The following CAD variants were observed in gnomAD, a reference collection of about 807,000 sequenced individuals.
CAD encodes multifunctional protein CAD.
Under a neutral mutation model 237.2 loss-of-function variants are expected in CAD, and 81 were observed. The ratio of observed to expected loss-of-function variants is 0.34; its 90% CI spans 0.29 to 0.41. The LOEUF (loss-of-function observed/expected upper bound fraction) is 0.41. Among genes scored for constraint, CAD ranks in the 10% least tolerant of loss-of-function variants. CAD has a pLI of 1.00. For synonymous variants in CAD, 1,196 were observed against 1,162.8 expected (o/e 1.03, Z -0.58); for missense variants, 2,181 against 2,951.7 (o/e 0.74, Z 6.05).
chr2:27,227,162 C>A (rs555264833), intron 15 of CAD, among the ~76,000 whole-genome samples, 200 bp downstream of exon 15: 1 of 152,228 alleles, frequency 6.6e-6, no homozygotes, highest in Non-Finnish European at 1.5e-5. Flanking sequence ...GGGATAGGTG[C>A]AAGCCATCAG....
chr2:27,224,972 A>G, intron 10 of CAD, 38 bp from the exon 11 acceptor site: 1 of 1,607,864 alleles, frequency 6.2e-7, no homozygotes, highest in Non-Finnish European at 8.5e-7. Context: ...CTCTACCCAC[A>G]AGGTTCTGAT....
chr2:27,238,815 G>T (rs1267343413), intron 31 of CAD, among the ~76,000 whole-genome samples, 183 bp downstream of exon 31: 2 of 152,218 alleles, frequency 1.3e-5, no homozygotes, highest in African/African-American at 4.8e-5. Context: ...TTGAAAGAAT[G>T]AATGAGCCAG....
chr2:27,234,795 G>T, intron 23 of CAD, 110 bp downstream of exon 23: 4 of 995,722 alleles, frequency 4.0e-6, no homozygotes, highest in Non-Finnish European at 6.0e-6. Flanking sequence ...AGGCATTGCC[G>T]GATCGTGGGG....
In CAD at chr2:27,228,146, T is replaced by TAC. The variant is rs201539976; in HGVS notation, c.2287+1185_2287+1186dup. 9.1e-3 allele frequency among the ~76,000 whole-genome samples: 1,387 copies of TAC among 152,264 alleles called. 8 individuals are homozygous for TAC. The highest frequency in any genetic ancestry group is 0.013 in the Non-Finnish European group (888 of 68,004). ...ATAGAAAAATACACTTGGTAAGAAATACTTAAGCCCCTAGAGTAAATAGTC... is the reference window on the plus strand; with the variant it reads ...ATAGAAAAATACACTTGGTAAGAAATACACTTAAGCCCCTAGAGTAAATAGTC... On this transcript the variant is annotated intron_variant, in intron 15 of 43. Coordinates refer to ENST00000264705, the MANE Select transcript of CAD (RefSeq NM_004341.5).
In CAD at chr2:27,240,441, T is replaced by TA; in HGVS notation, c.5593+81dup. The TA allele has an allele frequency of 6.7e-7, 1 of 1,492,654 alleles. No homozygotes were observed. Among genetic ancestry groups the TA allele is most frequent in the South Asian group, 1.1e-5 (1 of 88,530 alleles). 92.5% of individuals were successfully genotyped at this position (1,492,654 alleles called of 1,614,324 possible). ...TCCCAGTGCCTCGCCTTTCTCTACT[T>TA]ACATGTCCTCCTCTCCATCCCTTTA... On this transcript the variant is annotated intron_variant, in intron 35 of 43. Coordinates refer to ENST00000264705, the MANE Select transcript of CAD (RefSeq NM_004341.5). This position sits in a 1 kb window ranked among gnomAD's most constrained non-coding sequence, Gnocchi z 4.6.
In CAD at chr2:27,237,715, C is replaced by T; in HGVS notation, c.4564-3C>T. On this transcript the variant is annotated splice_polypyrimidine_tract_variant and splice_region_variant and intron_variant, in intron 28 of 43. Coordinates refer to ENST00000264705, the MANE Select transcript of CAD (RefSeq NM_004341.5). The surrounding 1 kb of genome is among the most constrained non-coding windows in gnomAD (Gnocchi z 4.0). ...GAGCCTTACCTCTGTGTATCCTCTC[C>T]AGCTGGCAGAGGCTGGCGCCCGGTG... The T allele has an allele frequency of 6.2e-7, 1 of 1,611,388 alleles. No homozygotes were observed. The highest frequency in any genetic ancestry group is 1.1e-5 in the South Asian group (1 of 90,470).
In CAD at chr2:27,217,369, A is replaced by C; in HGVS notation, c.-183A>C. ...ACGCCGCCTGTGTCCGCGCCGCCGC[A>C]GTCTCTGCTGCTGCCGCCAAGCGCG... On this transcript the variant is annotated 5_prime_UTR_variant, in exon 1 of 44. Transcript: ENST00000264705. 1.7e-6 allele frequency: 1 copy of C among 576,344 alleles called. No individual in the cohort carries two copies. The highest frequency in any genetic ancestry group is 3.0e-6 in the Non-Finnish European group (1 of 328,042). The allele number at this position is 576,344 out of a possible 1,614,324, so 35.7% of individuals were successfully genotyped here. A position where few individuals can be genotyped will look rare whatever the true frequency, so the allele number is the denominator to read the frequency against.
At chr2:27,224,897 G>A in intron 10 of CAD, 21 bp downstream of exon 10, 2 of 1,614,132 alleles carry the variant, frequency 1.2e-6, no homozygotes, top group Non-Finnish European at 1.7e-6. Flanking sequence ...GGCAAGGCTG[G>A]AATGAAAAGA....
In CAD at chr2:27,232,967, C is replaced by T. The variant is rs1675831172; in HGVS notation, c.2893-75C>T. 3.9e-6 allele frequency: 4 copies of T among 1,035,742 alleles called. No individual in the cohort carries two copies. In the South Asian group the frequency reaches 5.1e-5, roughly 13 times the overall value. 64.2% of individuals were successfully genotyped at this position (1,035,742 alleles called of 1,614,324 possible). On this transcript the variant is annotated intron_variant, in intron 18 of 43. Transcript: ENST00000264705. This position sits in a 1 kb window ranked among gnomAD's most constrained non-coding sequence, Gnocchi z 4.1. ...GCAGTCTCTGAAGTAGGGGCTTTGGCTTAGTTTCTCCACGATTTTCTCCAC... is the reference window on the plus strand; with the variant it reads ...GCAGTCTCTGAAGTAGGGGCTTTGGTTTAGTTTCTCCACGATTTTCTCCAC...
In CAD at chr2:27,233,775, C is replaced by G. The variant is rs150127787; in HGVS notation, c.3366C>G (p.Pro1122=). 1 of 1,614,082 alleles carries G rather than the reference C, an allele frequency of 6.2e-7. No homozygotes were observed. Among genetic ancestry groups the G allele is most frequent in the East Asian group, 2.2e-5 (1 of 44,884 alleles). ...SSAAAVSKEH[P]VVISKFIQEA... is the part of the protein sequence containing the mutation. ...CAGCAGCCGTCTCCAAAGAGCATCC[C>G]GTGGTCATCTCCAAGTTCATCCAGG... Residue 1122 remains proline (P), a synonymous_variant, in exon 21 of 44, where the codon CCC becomes CCG. Transcript: ENST00000264705. This position sits in a 1 kb window ranked among gnomAD's most constrained non-coding sequence, Gnocchi z 6.3.
chr2:27,220,957 C>T (rs559864850), intron 2 of CAD, among the ~76,000 whole-genome samples: 5 of 150,856 alleles, frequency 3.3e-5, no homozygotes, highest in Non-Finnish European at 7.4e-5. Context: ...GACTCTGTCT[C>T]AAAAAAAATA....
At position 27,223,597 on chromosome 2, in the gene CAD, T is replaced by A; in HGVS notation, c.844T>A (p.Leu282Met). The change falls in exon 7 of 44, where the codon TTG becomes ATG. Residue 282 changes from leucine to methionine, a missense_variant. Coordinates refer to ENST00000264705, the MANE Select transcript of CAD (RefSeq NM_004341.5). ...GNRGHNQPCL[L>M]VGSGRCFLTS... Reference sequence around the variant, plus strand: ...CCGAGGCCATAACCAGCCCTGCTTGTTGGTGGGCTCTGGGCGCTGCTTTCT... The same window carrying A: ...CCGAGGCCATAACCAGCCCTGCTTGATGGTGGGCTCTGGGCGCTGCTTTCT... 6.2e-7 allele frequency: 1 copy of A among 1,613,446 alleles called. No individual in the cohort carries two copies. The highest frequency in any genetic ancestry group is 8.5e-7 in the Non-Finnish European group (1 of 1,180,010).
intron 10 of CAD, 43 bp downstream of exon 10, chr2:27,224,919 G>T (rs752371232): frequency 6.2e-7 from 1 of 1,612,366 alleles, no homozygotes; most frequent in Non-Finnish European, 8.5e-7. Context: ...GACTGGGCAG[G>T]GGGGCCCAGT....
At chr2:27,224,933 C>A in intron 10 of CAD, 57 bp downstream of exon 10, 1 of 1,611,286 alleles carries the variant, frequency 6.2e-7, no homozygotes, top group Non-Finnish European at 8.5e-7. Context: ...GCCCAGTGGT[C>A]ACTGTGGGTT....
In CAD at chr2:27,239,884, G is replaced by A. The variant is rs2148092928; in HGVS notation, c.5496+86G>A. 2 of 993,994 alleles carry A rather than the reference G, an allele frequency of 2.0e-6. No homozygotes were observed. Among genetic ancestry groups the A allele is most frequent in the South Asian group, 3.5e-5 (2 of 56,602 alleles). The allele number at this position is 993,994 out of a possible 1,614,324, so 61.6% of individuals were successfully genotyped here. On this transcript the variant is annotated intron_variant, in intron 34 of 43. Transcript: ENST00000264705. This position sits in a 1 kb window ranked among gnomAD's most constrained non-coding sequence, Gnocchi z 4.0. ...TTGAACATTTTCATTGGTGGTTCAGGAACAATTGGGGTTTTCTTGAGGGAC... is the reference window on the plus strand; with the variant it reads ...TTGAACATTTTCATTGGTGGTTCAGAAACAATTGGGGTTTTCTTGAGGGAC...
In CAD at chr2:27,236,209, G is replaced by A. The variant is rs1675993864; in HGVS notation, c.4075-75G>A. 3.8e-6 allele frequency: 6 copies of A among 1,567,090 alleles called. No homozygotes were observed. Among genetic ancestry groups the A allele is most frequent in the Non-Finnish European group, 5.2e-6 (6 of 1,155,634 alleles). ...CTCCTCATCATGGGCTCCTGGGCCA[G>A]CTCCTCTCCCTTAAGGCTAGCCTTC... On this transcript the variant is annotated intron_variant, in intron 25 of 43. Transcript: ENST00000264705. This position sits in a 1 kb window ranked among gnomAD's most constrained non-coding sequence, Gnocchi z 4.1.
chr2:27,226,988 C>T (rs1675473905), intron 15 of CAD, 26 bp downstream of exon 15: 2 of 1,611,560 alleles, frequency 1.2e-6, no homozygotes, highest in Non-Finnish European at 1.7e-6. Flanking sequence ...TGGGCACCCC[C>T]ATGGGGCCCC....
chr2:27,217,573 G>A lies in CAD; in HGVS notation c.22G>A (p.Asp8Asn), dbSNP rs750554674. 1.9e-6 allele frequency: 3 copies of A among 1,607,988 alleles called. No individual in the cohort carries two copies. Among genetic ancestry groups the A allele is most frequent in the Admixed American group, 3.4e-5 (2 of 59,632 alleles). ...TCCCATGGCGGCCCTAGTGTTGGAG[G>A]ACGGGTCGGTCCTGCGGGGCCAGCC... is the stretch of plus-strand genomic sequence containing the variant. MAALVLE[D>N]GSVLRGQPFG... Residue 8 changes from aspartate to asparagine, a missense_variant, in exon 1 of 44, where the codon GAC becomes AAC. Coordinates refer to ENST00000264705, the MANE Select transcript of CAD (RefSeq NM_004341.5).
chr2:27,221,147 C>T, intron 2 of CAD, 71 bp from the exon 3 acceptor site: 1 of 1,369,438 alleles, frequency 7.3e-7, no homozygotes, highest in African/African-American at 1.5e-5. Flanking sequence ...GGTCTGTGGC[C>T]ACACAATCGG....
Sources: gnomAD v4.1 joint callset for allele counts (sites outside exome capture counted in the v4.1 genomes callset) on GRCh38, gnomAD v4.1.1 for gene constraint, Gnocchi (gnomAD v3.1) non-coding constraint, MANE v1.5 for transcripts, NCBI Gene and HGNC (gene_info 2026-07-23, HGNC 2026-07-21) for gene names.